Variants in PRTG observed in about 807,000 individuals in gnomAD.
PRTG encodes the protein protogenin, also known as immunoglobulin superfamily, DCC subclass, member 5.
PRTG carries 67 observed loss-of-function variants against 122.5 expected under a neutral mutation model. The ratio of observed to expected loss-of-function variants is 0.55; its 90% CI spans 0.45 to 0.67. PRTG has a LOEUF of 0.67. PRTG is among the 30% of genes least tolerant of loss of function. The pLI is 0.00. For synonymous variants in PRTG, 554 were observed against 501.1 expected (o/e 1.11, Z -1.41); for missense variants, 1,435 against 1,415.4 (o/e 1.01, Z -0.22).
intron 11 of PRTG, among the ~76,000 whole-genome samples, chr15:55,657,472 AAGTGATC>A (rs2059386763): frequency 1.3e-5 from 2 of 152,218 alleles, no homozygotes; most frequent in African/African-American, 4.8e-5. Flanking sequence ...GTAACTTGTT[AAGTGATC>A]CTAGATACAA....
At chr15:55,709,995 T>C (rs1237726611) in intron 2 of PRTG, among the ~76,000 whole-genome samples, 1 of 152,054 alleles carries the variant, frequency 6.6e-6, no homozygotes, top group Admixed American at 6.6e-5. Context: ...TTATTGTGCA[T>C]CAATTATGCC....
chr15:55,645,474 C>G (rs1009068705), intron 11 of PRTG, among the ~76,000 whole-genome samples: 2 of 143,300 alleles, frequency 1.4e-5, no homozygotes, highest in African/African-American at 5.0e-5. Context: ...GACTAGAGCC[C>G]TCAAATAGTG....
At position 55,680,679 on chromosome 15, in the gene PRTG, A is replaced by G. The variant is rs778531155; in HGVS notation, c.677-51T>C. On this transcript the variant is annotated intron_variant, in intron 4 of 19. Coordinates refer to ENST00000389286, the MANE Select transcript of PRTG (RefSeq NM_173814.6). The stretch of plus-strand genomic sequence containing the variant: ...AAAAATAAATTATAAATAAGATATA[A>G]TAAGTGAAATTAGTGAGACATTTAT... 6 of 1,222,534 alleles carry G rather than the reference A, an allele frequency of 4.9e-6. No homozygotes were observed. The East Asian group carries it at 1.4e-4, about 29-fold the overall frequency. The allele number at this position is 1,222,534 out of a possible 1,614,324, so 75.7% of individuals were successfully genotyped here.
chr15:55,716,016 C>T (rs1435981392), intron 2 of PRTG, among the ~76,000 whole-genome samples: 1 of 152,206 alleles, frequency 6.6e-6, no homozygotes, highest in Non-Finnish European at 1.5e-5. Flanking sequence ...ATCATATAGA[C>T]ACAGTATAGT....
chr15:55,662,907 G>A (rs17819156), intron 11 of PRTG, among the ~76,000 whole-genome samples: 7,652 of 152,120 alleles, frequency 0.05, 260 homozygotes, highest in Middle Eastern at 0.071. Flanking sequence ...ACAATAATTC[G>A]CCATCTCAGT....
intron 11 of PRTG, among the ~76,000 whole-genome samples, chr15:55,646,957 T>C (rs140075594): frequency 3.5e-4 from 54 of 152,196 alleles, no homozygotes; most frequent in African/African-American, 1.2e-3. Context: ...CCAACCTGAT[T>C]CATTCTCATC....
In PRTG at chr15:55,672,307, A is replaced by G. The variant is rs1377013424; in HGVS notation, c.2041+138T>C. 3 of 693,280 alleles carry G rather than the reference A, an allele frequency of 4.3e-6. No homozygotes were observed. The African/African-American group carries it at 5.4e-5, about 12-fold the overall frequency. 42.9% of individuals were successfully genotyped at this position (693,280 alleles called of 1,614,324 possible). ...ACCAATCACTGACTTCAGCAGTAGC[A>G]TATACACACTGACATAGTAAAATCA... On this transcript the variant is annotated intron_variant, in intron 11 of 19. Transcript: ENST00000389286.
intron 3 of PRTG, among the ~76,000 whole-genome samples, 153 bp from the exon 4 acceptor site, chr15:55,682,650 T>C (rs1334578241): frequency 6.6e-6 from 1 of 151,850 alleles, no homozygotes; most frequent in Non-Finnish European, 1.5e-5. Context: ...CTGGAACGTC[T>C]GTCTCCAGGG....
intron 2 of PRTG, among the ~76,000 whole-genome samples, chr15:55,693,007 A>ATTTTTTTTTTTTTT (rs989580703): frequency 7.0e-6 from 1 of 142,052 alleles, no homozygotes. Context: ...CGGCCAGCTA[A>ATTTTTTTTTTTTTT]TTTTTTTTTT....
In PRTG at chr15:55,624,328, C is replaced by A. The variant is rs1295294269; in HGVS notation, c.3093+14G>T. ...GGAAGAACGGCTTATGCAGCAAATC[C>A]CGCAGCTCAGTACCTTTGCATCAAT... is the stretch of plus-strand genomic sequence containing the variant. On this transcript the variant is annotated intron_variant, in intron 18 of 19. Transcript: ENST00000389286. 8.7e-6 allele frequency: 14 copies of A among 1,610,522 alleles called. No homozygotes were observed. The highest frequency in any genetic ancestry group is 3.4e-5 in the Admixed American group (2 of 59,682).
At position 55,717,236 on chromosome 15, in the gene PRTG, A is replaced by C. The variant is rs2030633256; in HGVS notation, c.397+23146T>G. On this transcript the variant is annotated intron_variant, in intron 2 of 19. Transcript: ENST00000389286. ...TAAAAATATAAATGAAATTTCACATAAAATAGTAGACACAGGGAACCATGT... is the reference window on the plus strand; with the variant it reads ...TAAAAATATAAATGAAATTTCACATCAAATAGTAGACACAGGGAACCATGT... 2.0e-5 allele frequency among the ~76,000 whole-genome samples: 3 copies of C among 152,228 alleles called. No individual in the cohort carries two copies. The South Asian group carries it at 6.2e-4, about 32-fold the overall frequency.
At chr15:55,655,826 A>C (rs1057272654) in intron 11 of PRTG, 3 of 152,258 alleles carry the variant, frequency 2.0e-5, no homozygotes, top group African/African-American at 7.2e-5. Context: ...TGTTGTTTTA[A>C]CCTTTCAGTG....
rs374791424 is a variant in PRTG at position 55,645,433 on chromosome 15, CAA to C, written c.2042-4227_2042-4226del. Among the ~76,000 whole-genome samples the C allele has an allele frequency of 1.6e-3, 30 of 18,952 alleles. No homozygotes were observed. In the East Asian group the frequency reaches 0.023, roughly 15 times the overall value. 12.4% of individuals were successfully genotyped at this position (18,952 alleles called of 152,430 possible). A position where few individuals can be genotyped will look rare whatever the true frequency, so the allele number is the denominator to read the frequency against. On this transcript the variant is annotated intron_variant, in intron 11 of 19. Coordinates refer to ENST00000389286, the MANE Select transcript of PRTG (RefSeq NM_173814.6). The stretch of plus-strand genomic sequence containing the variant: ...TGGGCGACAGAGCGAAACTCCGTCT[CAA>C]AAAAAAAAAAAAAAAGAGTGGAAGG...
At chr15:55,630,026 G>A (rs954197255) in intron 15 of PRTG, among the ~76,000 whole-genome samples, 5 of 142,712 alleles carry the variant, frequency 3.5e-5, no homozygotes, top group Middle Eastern at 7.5e-3. Flanking sequence ...TCACTCTGTC[G>A]CCCAGGCTAG....
chr15:55,618,372 C>T lies in PRTG; in HGVS notation c.*1640G>A, dbSNP rs2141703445. ...AGGAACAAAGCATTTCAAGTGTAAACCCATTATGATTCCTTTTAAAATGAG... is the reference window on the plus strand; with the variant it reads ...AGGAACAAAGCATTTCAAGTGTAAATCCATTATGATTCCTTTTAAAATGAG... On this transcript the variant is annotated 3_prime_UTR_variant, in exon 20 of 20. Coordinates refer to ENST00000389286, the MANE Select transcript of PRTG (RefSeq NM_173814.6). 1 of 152,276 alleles carries T rather than the reference C, an allele frequency of 6.6e-6. No homozygotes were observed. The highest frequency in any genetic ancestry group is 2.4e-5 in the African/African-American group (1 of 41,558). 9.4% of individuals were successfully genotyped at this position (152,276 alleles called of 1,614,324 possible). A position where few individuals can be genotyped will look rare whatever the true frequency, so the allele number is the denominator to read the frequency against.
chr15:55,689,527 C>G (rs1390720426), intron 2 of PRTG, among the ~76,000 whole-genome samples: 1 of 151,522 alleles, frequency 6.6e-6, no homozygotes, highest in East Asian at 1.9e-4. Flanking sequence ...AGGAGAAATA[C>G]CTAATGTAAA....
Position 55,673,723 on chromosome 15 carries a change from T to C in PRTG, c.1547-47A>G, listed in dbSNP as rs571151069. Reference sequence around the variant, plus strand: ...TTGTTTATAAATATTTAGAATCGAATTGCCACTTAGCACACCAGTAACTGA... The same window carrying C: ...TTGTTTATAAATATTTAGAATCGAACTGCCACTTAGCACACCAGTAACTGA... On this transcript the variant is annotated intron_variant, in intron 9 of 19. Transcript: ENST00000389286. 13 of 1,458,400 alleles carry C rather than the reference T, an allele frequency of 8.9e-6. No homozygotes were observed. The South Asian group carries it at 9.5e-5, about 11-fold the overall frequency. 90.3% of individuals were successfully genotyped at this position (1,458,400 alleles called of 1,614,324 possible).
chr15:55,710,316 A>T, intron 2 of PRTG, among the ~76,000 whole-genome samples: 1 of 152,236 alleles, frequency 6.6e-6, no homozygotes, highest in East Asian at 1.9e-4. Context: ...TTTTTACATA[A>T]ATCTACTTAA....
chr15:55,623,778 T>C (rs1196142811), intron 18 of PRTG, among the ~76,000 whole-genome samples: 1 of 152,236 alleles, frequency 6.6e-6, no homozygotes, highest in Admixed American at 6.5e-5. Context: ...ACTATTATTA[T>C]ATATACTGGA....
Sources: allele counts gnomAD v4.1 joint callset (sites outside exome capture counted in the v4.1 genomes callset), GRCh38; gene constraint gnomAD v4.1.1; transcripts MANE v1.5; gene names NCBI Gene and HGNC (gene_info 2026-07-23, HGNC 2026-07-21).